Variants in GRAMD1B observed in about 807,000 individuals in gnomAD.
The protein encoded by GRAMD1B is protein Aster-B.
In GRAMD1B, 37 loss-of-function variants were observed where a neutral mutation model predicts 99.7. The ratio of observed to expected loss-of-function variants is 0.37; its 90% CI spans 0.29 to 0.49. The LOEUF is 0.49. GRAMD1B is among the 20% of genes least tolerant of loss of function. GRAMD1B has a pLI of 0.98. For missense variants in GRAMD1B, 888 were observed against 1,009.2 expected (o/e 0.88, Z 1.63); for synonymous variants, 427 against 387.6 (o/e 1.10, Z -1.19).
chr11:123,590,662 A>C (rs76433352), intron 4 of GRAMD1B, among the ~76,000 whole-genome samples: 3 of 152,266 alleles, frequency 2.0e-5, no homozygotes, highest in African/African-American at 7.2e-5. Flanking sequence ...AGGCGAGCAG[A>C]GCAGGGGCTG....
chr11:123,500,565 A>G (rs181562625), intron 2 of GRAMD1B, among the ~76,000 whole-genome samples: 1 of 152,358 alleles, frequency 6.6e-6, no homozygotes, highest in East Asian at 1.9e-4. Context: ...AAATGTGACC[A>G]GTAAATCCAA....
At chr11:123,409,056 A>G (rs1471766785) in intron 1 of GRAMD1B, among the ~76,000 whole-genome samples, 1 of 152,246 alleles carries the variant, frequency 6.6e-6, no homozygotes, top group Non-Finnish European at 1.5e-5. Context: ...GAACAATAGG[A>G]AAAGAAATAT....
intron 2 of GRAMD1B, among the ~76,000 whole-genome samples, chr11:123,528,853 A>G (rs1943067311): frequency 6.6e-6 from 1 of 152,152 alleles, no homozygotes; most frequent in Admixed American, 6.6e-5. Flanking sequence ...AGAGTGGTAA[A>G]GTGAGATTTG....
At position 123,590,427 on chromosome 11, in the gene GRAMD1B, GC is replaced by G. The variant is rs571353174; in HGVS notation, c.685-3653del. 3.7e-4 allele frequency among the ~76,000 whole-genome samples: 56 copies of G among 152,256 alleles called. 1 individual carries two copies. The South Asian group carries it at 0.011, about 31-fold the overall frequency. On this transcript the variant is annotated intron_variant, in intron 4 of 19. Transcript: ENST00000635736. ...CTGCCACCTCCCCTCCCTACTCCACGCCTCCATGTGGAGCCCTGGCCAGCAA... is the reference window on the plus strand; with the variant it reads ...CTGCCACCTCCCCTCCCTACTCCACGCTCCATGTGGAGCCCTGGCCAGCAA...
At chr11:123,457,501 C>T (rs1238997635) in intron 1 of GRAMD1B, among the ~76,000 whole-genome samples, 2 of 152,204 alleles carry the variant, frequency 1.3e-5, no homozygotes, top group Non-Finnish European at 1.5e-5. Context: ...CTTAGCTTAG[C>T]GTCATGGGAC....
chr11:123,456,749 G>A (rs192731816), intron 1 of GRAMD1B, among the ~76,000 whole-genome samples: 4 of 151,820 alleles, frequency 2.6e-5, no homozygotes, highest in East Asian at 1.9e-4. Flanking sequence ...ATGAAACTCC[G>A]TCTCTACTAA....
chr11:123,377,747 T>C (rs1169020203), intron 1 of GRAMD1B, among the ~76,000 whole-genome samples: 1 of 152,206 alleles, frequency 6.6e-6, no homozygotes, highest in African/African-American at 2.4e-5. Context: ...GTCCAGTGGC[T>C]CTCCATTTGT....
At chr11:123,509,131 A>G (rs989777095) in intron 2 of GRAMD1B, among the ~76,000 whole-genome samples, 1 of 152,166 alleles carries the variant, frequency 6.6e-6, no homozygotes. Context: ...TGAGGATCTC[A>G]CCATTTCTGA....
upstream of GRAMD1B, among the ~76,000 whole-genome samples, chr11:123,427,183 C>T (rs546165296): frequency 2.0e-5 from 3 of 152,264 alleles, no homozygotes; most frequent in South Asian, 2.1e-4. Flanking sequence ...GAGATTCTGA[C>T]GCAGGGCATG....
intron 3 of GRAMD1B, among the ~76,000 whole-genome samples, chr11:123,583,099 T>G (rs1322758884): frequency 6.6e-6 from 1 of 152,090 alleles, no homozygotes; most frequent in Non-Finnish European, 1.5e-5. Flanking sequence ...TGTGCCTGTG[T>G]GTATATGTGT....
intron 3 of GRAMD1B, among the ~76,000 whole-genome samples, chr11:123,579,811 G>T (rs1949143306): frequency 6.6e-6 from 1 of 152,198 alleles, no homozygotes; most frequent in African/African-American, 2.4e-5. Context: ...TTTGAGTGGG[G>T]CAGCCAGGAC....
chr11:123,621,434 C>T (rs1355638089), intron 19 of GRAMD1B, among the ~76,000 whole-genome samples: 1 of 152,210 alleles, frequency 6.6e-6, no homozygotes, highest in East Asian at 1.9e-4. Flanking sequence ...ACTCAGTTCT[C>T]TGCATGGTGC....
At chr11:123,558,358 C>G (rs185291794) in intron 2 of GRAMD1B, among the ~76,000 whole-genome samples, 1 of 152,096 alleles carries the variant, frequency 6.6e-6, no homozygotes, top group Non-Finnish European at 1.5e-5. Context: ...AAATAGCCTA[C>G]GATCTTCTCA....
intron 1 of GRAMD1B, among the ~76,000 whole-genome samples, chr11:123,378,306 C>T (rs1946758960): frequency 6.6e-6 from 1 of 152,162 alleles, no homozygotes; most frequent in Non-Finnish European, 1.5e-5. Flanking sequence ...ACCAGAACAA[C>T]TAGTTTAAAT....
At chr11:123,438,331 G>C (rs1329003030) in intron 1 of GRAMD1B, among the ~76,000 whole-genome samples, 1 of 152,118 alleles carries the variant, frequency 6.6e-6, no homozygotes, top group East Asian at 1.9e-4. Flanking sequence ...CAGCTCCACT[G>C]CCCTATCCCC....
intron 1 of GRAMD1B, among the ~76,000 whole-genome samples, chr11:123,477,227 T>TC (rs1203159067): frequency 1.9e-5 from 1 of 53,554 alleles, no homozygotes; most frequent in Non-Finnish European, 3.3e-5. Flanking sequence ...CCCCCTCCTC[T>TC]CCCCCTCCCA....
rs568329425 is a variant in GRAMD1B at position 123,626,673 on chromosome 11, C to T, written c.*4078C>T. 1.3e-4 allele frequency: 20 copies of T among 152,516 alleles called. No individual in the cohort carries two copies. The highest frequency in any genetic ancestry group is 7.3e-5 in the Non-Finnish European group (5 of 68,152). 9.4% of individuals were successfully genotyped at this position (152,516 alleles called of 1,614,324 possible). ...GAATCTCCGGGGCCCCTTCCTGACT[C>T]TCCCCACCTTCGCCACTTGTCTCTA... is the stretch of plus-strand genomic sequence containing the variant. On this transcript the variant is annotated 3_prime_UTR_variant, in exon 20 of 20. Transcript: ENST00000635736.
In GRAMD1B at chr11:123,596,041, A is replaced by G; in HGVS notation, c.969+4A>G. The G allele has an allele frequency of 6.5e-7, 1 of 1,540,280 alleles. No homozygotes were observed. The highest frequency in any genetic ancestry group is 8.9e-7 in the Non-Finnish European group (1 of 1,118,656). ...AGTTTGCACTGATTCAGAAAAGGTA[A>G]GTGGAGTCTAACTCTGGCCTTTCTA... On this transcript the variant is annotated splice_donor_region_variant and intron_variant, in intron 7 of 19. Transcript: ENST00000635736.
At chr11:123,558,761 A>G (rs922824315) in intron 2 of GRAMD1B, among the ~76,000 whole-genome samples, 2 of 152,314 alleles carry the variant, frequency 1.3e-5, no homozygotes, top group East Asian at 1.9e-4. Flanking sequence ...GGATTCCTCT[A>G]GGTAACGGAG....
Sources: allele counts gnomAD v4.1 joint callset (sites outside exome capture counted in the v4.1 genomes callset), GRCh38; gene constraint gnomAD v4.1.1; transcripts MANE v1.5; gene names NCBI Gene and HGNC (gene_info 2026-07-23, HGNC 2026-07-21).